The following ATP2A2 variants were observed in gnomAD, a reference collection of about 807,000 sequenced individuals.
ATP2A2 encodes sarcoplasmic/endoplasmic reticulum calcium ATPase 2.
Under a neutral mutation model 109.3 loss-of-function variants are expected in ATP2A2, and 14 were observed. The ratio of observed to expected loss-of-function variants is 0.13; its 90% confidence interval spans 0.08 to 0.20. The LOEUF is 0.20. Ranked by LOEUF, ATP2A2 falls within the 10% of genes least tolerant of loss-of-function variation. The pLI is 1.00. For synonymous variants in ATP2A2, 506 were observed against 490.9 expected (o/e 1.03, Z -0.41); for missense variants, 657 against 1,321.6 (o/e 0.50, Z 7.80).
Position 110,332,630 on chromosome 12 carries a change from T to G in ATP2A2, c.1129T>G (p.Cys377Gly), listed in dbSNP as rs1162017535. 1.2e-6 allele frequency: 2 copies of G among 1,613,770 alleles called. No homozygotes were observed. The highest frequency in any genetic ancestry group is 2.2e-5 in the South Asian group (2 of 91,074). ...TCTGGACAGAGTGGAAGGTGATACT[T>G]GTTCCCTTAATGAGTTTACCATAAC... ...FILDRVEGDT[C>G]SLNEFTITGS... is the part of the protein sequence containing the mutation. The change falls in exon 9 of 20, where the codon TGT becomes GGT. Residue 377 changes from cysteine (C) to glycine (G), a missense_variant. Cys to Gly is a radical substitution (Grantham distance 159). Around this residue, in one of 9 missense-constraint regions of ATP2A2, gnomAD observed 46 missense variants for 62.0 expected, o/e 0.74. Transcript: ENST00000539276.
rs1402989860 is a variant in ATP2A2, at chr12:110,340,888, C to T, written c.1991C>T (p.Ala664Val). 1 of 1,614,236 alleles carries T rather than the reference C, an allele frequency of 6.2e-7. No homozygotes were observed. Among genetic ancestry groups the T allele is most frequent in the Non-Finnish European group, 8.5e-7 (1 of 1,180,042 alleles). The stretch of plus-strand genomic sequence containing the variant: ...GAGTTTGATGAACTCAACCCCTCCG[C>T]CCAGCGAGACGCCTGCCTGAACGCC... ...GREFDELNPS[A>V]QRDACLNARC... The change falls in exon 14 of 20, where the codon GCC becomes GTC. Residue 664 changes from alanine to valine, a missense_variant. This residue lies in a region of ATP2A2 where 180 missense variants were observed against 329.1 expected (regional missense o/e 0.55). Coordinates refer to ENST00000539276, the MANE Select transcript of ATP2A2 (RefSeq NM_170665.4). The surrounding 1 kb of genome is among the most constrained non-coding windows in gnomAD (Gnocchi z 6.0).
In ATP2A2 at chr12:110,342,194, A is replaced by C. The variant is rs375782550; in HGVS notation, c.2098-34A>C. On this transcript the variant is annotated intron_variant, in intron 14 of 19. Coordinates refer to ENST00000539276, the MANE Select transcript of ATP2A2 (RefSeq NM_170665.4). The surrounding 1 kb of genome is among the most constrained non-coding windows in gnomAD (Gnocchi z 4.6). The stretch of plus-strand genomic sequence containing the variant: ...CCTAGGGGTATGAATGTGGCATGCC[A>C]GTTGGCTGACCCAACCATTGCTTTC... 1.4e-5 allele frequency: 22 copies of C among 1,612,248 alleles called. No individual in the cohort carries two copies. In the African/African-American group the frequency reaches 2.9e-4, roughly 22 times the overall value.
In ATP2A2 at chr12:110,282,680, G is replaced by A. The variant is rs1365439844; in HGVS notation, c.137-33G>A. 1.9e-6 allele frequency: 3 copies of A among 1,613,622 alleles called. No individual in the cohort carries two copies. The South Asian group carries it at 3.3e-5, about 18-fold the overall frequency. ...TCTGTTGGTGTGCTGATGGTAAGAT[G>A]ACAGTTAAAACACATGTGTTTGTTT... On this transcript the variant is annotated intron_variant, in intron 2 of 19. Coordinates refer to ENST00000539276, the MANE Select transcript of ATP2A2 (RefSeq NM_170665.4).
chr12:110,322,531 C>T (rs779329540), intron 5 of ATP2A2, among the ~76,000 whole-genome samples: 4 of 151,650 alleles, frequency 2.6e-5, no homozygotes, highest in Non-Finnish European at 4.4e-5. Context: ...CCATGTGTTT[C>T]GTTAATTGAA....
chr12:110,315,636 C>T (rs771003552), intron 5 of ATP2A2, among the ~76,000 whole-genome samples: 6 of 151,994 alleles, frequency 3.9e-5, no homozygotes, highest in Non-Finnish European at 8.8e-5. Context: ...AGCAGTATAG[C>T]GTATCCTAAA....
chr12:110,292,001 C>T lies in ATP2A2; in HGVS notation c.220-19C>T, dbSNP rs770505096. The T allele has an allele frequency of 1.2e-5, 19 of 1,597,620 alleles. No homozygotes were observed. Among genetic ancestry groups the T allele is most frequent in the African/African-American group, 8.0e-5 (6 of 74,570 alleles). On this transcript the variant is annotated intron_variant, in intron 3 of 19. Transcript: ENST00000539276. ...TTAAGCCTAAAAAGACACATTCTAA[C>T]GTGCCATTTCTCTTCTAGGTTTTGG...
In ATP2A2 at chr12:110,349,126, C is replaced by A; in HGVS notation, c.*2656C>A. 1 of 985,442 alleles carries A rather than the reference C, an allele frequency of 1.0e-6. No homozygotes were observed. Among genetic ancestry groups the A allele is most frequent in the South Asian group, 4.7e-5 (1 of 21,284 alleles). The allele number at this position is 985,442 out of a possible 1,614,324, so 61.0% of individuals were successfully genotyped here. On this transcript the variant is annotated 3_prime_UTR_variant, in exon 20 of 20. Coordinates refer to ENST00000539276, the MANE Select transcript of ATP2A2 (RefSeq NM_170665.4). Reference sequence around the variant, plus strand: ...CCAGACAGCTGGGAGTGGGTTAGGCCCACTGCTGTTTTGAGCAGGGCCACT... The same window carrying A: ...CCAGACAGCTGGGAGTGGGTTAGGCACACTGCTGTTTTGAGCAGGGCCACT...
At chr12:110,335,106 A>T (rs1321118499) in intron 11 of ATP2A2, among the ~76,000 whole-genome samples, 1 of 152,194 alleles carries the variant, frequency 6.6e-6, no homozygotes, top group Non-Finnish European at 1.5e-5. Context: ...GGCCAGTAGC[A>T]AGGATGGGGA....
In ATP2A2 at chr12:110,328,408, C is replaced by T. The variant is rs761822613; in HGVS notation, c.1095+391C>T. 5.3e-5 allele frequency among the ~76,000 whole-genome samples: 8 copies of T among 151,930 alleles called. No individual in the cohort carries two copies. In the South Asian group the frequency reaches 1.5e-3, roughly 28 times the overall value. On this transcript the variant is annotated intron_variant, in intron 8 of 19. Coordinates refer to ENST00000539276, the MANE Select transcript of ATP2A2 (RefSeq NM_170665.4). Reference sequence around the variant, plus strand: ...CAAAATGGTGAAACCCTGTCTCTACCGAAAAGACAAAAATTAGCTGAGTGG... The same window carrying T: ...CAAAATGGTGAAACCCTGTCTCTACTGAAAAGACAAAAATTAGCTGAGTGG...
In ATP2A2 at chr12:110,345,781, G is replaced by A. The variant is rs3026487; in HGVS notation, c.2742-220G>A. ...TTGGGAACAGCTTTGAACCCACTAA[G>A]ATGGGGTCTGCTATGCCAAAACATA... On this transcript the variant is annotated intron_variant, in intron 18 of 19. Transcript: ENST00000539276. 1.8e-4 allele frequency: 113 copies of A among 638,886 alleles called. No individual in the cohort carries two copies. The African/African-American group carries it at 1.9e-3, about 11-fold the overall frequency. 39.6% of individuals were successfully genotyped at this position (638,886 alleles called of 1,614,324 possible).
At chr12:110,297,948 A>G (rs893142630) in intron 5 of ATP2A2, among the ~76,000 whole-genome samples, 1 of 152,090 alleles carries the variant, frequency 6.6e-6, no homozygotes, top group Non-Finnish European at 1.5e-5. Context: ...CCTGGGACCA[A>G]CCAGGATAGT....
At position 110,349,494 on chromosome 12, in the gene ATP2A2, A is replaced by C; in HGVS notation, c.*3024A>C. 1 of 985,756 alleles carries C rather than the reference A, an allele frequency of 1.0e-6. No individual in the cohort carries two copies. The highest frequency in any genetic ancestry group is 1.2e-6 in the Non-Finnish European group (1 of 830,148). The allele number at this position is 985,756 out of a possible 1,614,324, so 61.1% of individuals were successfully genotyped here. ...ACTGGGACACCACTCTGCAGAATGC[A>C]GATGATCCATTCTGGAGGAAGCTGT... On this transcript the variant is annotated 3_prime_UTR_variant, in exon 20 of 20. Transcript: ENST00000539276.
rs80213036 is a variant in ATP2A2 at position 110,332,792 on chromosome 12, A to G, written c.1184+107A>G. On this transcript the variant is annotated intron_variant, in intron 9 of 19. Transcript: ENST00000539276. ...AAGACAGCTTTCTGAATGTGGCTCAAGTCAACACTTATTACTAAAGTAGTA... is the reference window on the plus strand; with the variant it reads ...AAGACAGCTTTCTGAATGTGGCTCAGGTCAACACTTATTACTAAAGTAGTA... 6.7e-3 allele frequency: 6,708 copies of G among 995,074 alleles called. 306 individuals carry two copies. In the African/African-American group the frequency reaches 0.095, roughly 14 times the overall value. 61.6% of individuals were successfully genotyped at this position (995,074 alleles called of 1,614,324 possible).
intron 5 of ATP2A2, among the ~76,000 whole-genome samples, chr12:110,302,828 G>A (rs1874826831): frequency 6.6e-6 from 1 of 151,972 alleles, no homozygotes; most frequent in East Asian, 1.9e-4. Flanking sequence ...CAAACTCCTG[G>A]CCTCGTGACC....
At position 110,309,140 on chromosome 12, in the gene ATP2A2, A is replaced by ATTTTTTTTTTTTTTTTTTTTT. The variant is rs10665212; in HGVS notation, c.463+12418_463+12438dup. Among the ~76,000 whole-genome samples the ATTTTTTTTTTTTTTTTTTTTT allele has an allele frequency of 3.1e-4, 15 of 48,902 alleles. 1 individual carries two copies. Among genetic ancestry groups the ATTTTTTTTTTTTTTTTTTTTT allele is most frequent in the Non-Finnish European group, 4.9e-4 (14 of 28,424 alleles). 32.1% of individuals were successfully genotyped at this position (48,902 alleles called of 152,430 possible). On this transcript the variant is annotated intron_variant, in intron 5 of 19. Transcript: ENST00000539276. ...ATGGAGAGAGAGTTTAAGGAAACTA[A>ATTTTTTTTTTTTTTTTTTTTT]TTTTTTTTTTTTTTTTTTTTTTTTT...
chr12:110,286,932 G>T (rs1872721125), intron 3 of ATP2A2, among the ~76,000 whole-genome samples: 1 of 152,078 alleles, frequency 6.6e-6, no homozygotes, highest in Admixed American at 6.6e-5. Flanking sequence ...ACAGCAGAAC[G>T]TGCTTTTTAC....
rs760419406 is a variant in ATP2A2 at position 110,346,365 on chromosome 12, G to C, written c.3024G>C (p.Ser1008=). ...VQPATKSCSF[S]ACTDGISWPF... ...CTGCCACCAAATCCTGCTCGTTCTC[G>C]GCATGCACCGATGGGATTTCCTGGC... The change falls in exon 20 of 20, where the codon TCG becomes TCC. Residue 1008 remains serine, a synonymous_variant. Coordinates refer to ENST00000539276, the MANE Select transcript of ATP2A2 (RefSeq NM_170665.4). 6.2e-7 allele frequency: 1 copy of C among 1,614,046 alleles called. No individual in the cohort carries two copies. Among genetic ancestry groups the C allele is most frequent in the Non-Finnish European group, 8.5e-7 (1 of 1,179,972 alleles).
chr12:110,307,414 G>A (rs1339893771), intron 5 of ATP2A2, among the ~76,000 whole-genome samples: 6 of 151,446 alleles, frequency 4.0e-5, no homozygotes, highest in East Asian at 1.9e-4. Flanking sequence ...AAATTTTTTC[G>A]TAGAGATGAG....
chr12:110,329,135 C>T (rs1473096381), intron 8 of ATP2A2, among the ~76,000 whole-genome samples: 3 of 152,208 alleles, frequency 2.0e-5, no homozygotes, highest in Non-Finnish European at 2.9e-5. Context: ...CCTTGTTCAT[C>T]CTCCAGTATA....
Sources: allele counts gnomAD v4.1 joint callset (sites outside exome capture counted in the v4.1 genomes callset), GRCh38; gene constraint gnomAD v4.1.1; regional missense constraint gnomAD v4.1.1; non-coding constraint Gnocchi (gnomAD v3.1); transcripts MANE v1.5; gene names NCBI Gene and HGNC (gene_info 2026-07-23, HGNC 2026-07-21).